KIR2DL4: variants seen among roughly 807,000 people sequenced by gnomAD.
KIR2DL4 encodes killer cell immunoglobulin like receptor, two Ig domains and long cytoplasmic tail 4.
In KIR2DL4, 41 loss-of-function variants were observed where a neutral mutation model predicts 31.0. The ratio of observed to expected loss-of-function variants is 1.32; its 90% confidence interval spans 1.03 to 1.72. The LOEUF is 1.72. KIR2DL4 is among the 40% of genes most tolerant of loss of function. KIR2DL4 has a pLI of 0.00. For missense variants in KIR2DL4, 438 were observed against 353.7 expected (o/e 1.24, Z -1.91); for synonymous variants, 164 against 133.6 (o/e 1.23, Z -1.57).
intron 5 of KIR2DL4, among the ~76,000 whole-genome samples, chr19:54,811,567 C>A (rs1165427607): frequency 6.6e-6 from 1 of 150,974 alleles, no homozygotes; most frequent in Non-Finnish European, 1.5e-5. Context: ...TTTCTGTGAG[C>A]ATGAGATCAT....
At chr19:54,804,294 A>C (rs2060361999) in intron 2 of KIR2DL4, among the ~76,000 whole-genome samples, 1 of 150,962 alleles carries the variant, frequency 6.6e-6, no homozygotes, top group African/African-American at 2.5e-5. Flanking sequence ...AGAGGAGGGA[A>C]GGGTAGCAGT....
chr19:54,808,854 C>T (rs1209045251), exon 5 of KIR2DL4: 2 of 1,603,530 alleles, frequency 1.2e-6, no homozygotes, highest in African/African-American at 2.7e-5. Flanking sequence ...AGTAGTTGGC[C>T]TTCACCCACT....
In KIR2DL4 at chr19:54,812,115, A is replaced by G. The variant is rs370703403; in HGVS notation, c.707-1010A>G. Among the ~76,000 whole-genome samples, 99 of 150,890 alleles carry G rather than the reference A, an allele frequency of 6.6e-4. 1 individual carries two copies. The highest frequency in any genetic ancestry group is 2.4e-3 in the African/African-American group (96 of 40,824). ...TCCCAGTCCAGTCTTCCCAGAGAAG[A>G]CTCTAAACACCTCCCATACTGCACC... On this transcript the variant is annotated intron_variant, in intron 5 of 7. Transcript: ENST00000359085.
chr19:54,808,750 G>A (rs2060677193), intron 4 of KIR2DL4, 83 bp from the exon 5 acceptor site: 2 of 1,027,794 alleles, frequency 1.9e-6, no homozygotes, highest in African/African-American at 1.7e-5. Context: ...TAGAATGTTG[G>A]CCATGAACCA....
Position 54,805,965 on chromosome 19 carries a change from C to A in KIR2DL4, c.376C>A (p.Pro126Thr), listed in dbSNP as rs1489378865. Residue 126 changes from proline to threonine, a missense_variant, in exon 4 of 8, where the codon CCT (proline) becomes ACT (threonine). Physicochemically the swap from Pro to Thr is conservative, Grantham distance 38 (BLOSUM62 -1). Transcript: ENST00000359085. ...TCTCCTTCCAGGTCTATATGAGAAA[C>A]CTTCGCTTACAGCCCGGCCGGGCCC... is the stretch of plus-strand genomic sequence containing the variant. 6.8e-6 allele frequency: 11 copies of A among 1,606,810 alleles called. No homozygotes were observed. In the Admixed American group the frequency reaches 1.2e-4, roughly 17 times the overall value.
intron 2 of KIR2DL4, among the ~76,000 whole-genome samples, 184 bp from the exon 3 acceptor site, chr19:54,804,609 C>G (rs1443288540): frequency 6.6e-6 from 1 of 151,244 alleles, no homozygotes; most frequent in Non-Finnish European, 1.5e-5. Context: ...CTGCTCAGTT[C>G]TCAACTGACA....
chr19:54,813,625 C>T, intron 6 of KIR2DL4, 65 bp from the exon 6 acceptor site: 2 of 1,519,606 alleles, frequency 1.3e-6, no homozygotes, highest in Non-Finnish European at 1.8e-6. Context: ...GTGTTGGTAT[C>T]TGTTCATGAA....
chr19:54,812,355 C>T (rs1964154589), intron 5 of KIR2DL4, among the ~76,000 whole-genome samples: 2 of 151,444 alleles, frequency 1.3e-5, no homozygotes, highest in Admixed American at 6.6e-5. Flanking sequence ...AGCCAGAAAG[C>T]AGCCCAGCCT....
In KIR2DL4 at chr19:54,813,995, G is replaced by C. The variant is rs35946789; in HGVS notation, c.*195G>C. The C allele has an allele frequency of 7.5e-3, 12,105 of 1,611,412 alleles. 205 individuals carry two copies. Among genetic ancestry groups the C allele is most frequent in the Admixed American group, 0.01 (617 of 59,832 alleles). ...AGAACTTCCAAATGCTGAGCCCAGA[G>C]CGTTGTCTCCTGCCCATGAGCACCA... On this transcript the variant is annotated 3_prime_UTR_variant, in exon 8 of 8. Coordinates refer to ENST00000359085, the Ensembl canonical transcript of KIR2DL4.
At chr19:54,805,059 C>A in exon 3 of KIR2DL4, 1 of 1,606,944 alleles carries the variant, frequency 6.2e-7, no homozygotes, top group South Asian at 1.1e-5. Context: ...CAGCAACCCC[C>A]TGGTGATCAT....
rs560915366 is a variant in KIR2DL4 at position 54,803,821 on chromosome 19, G to T, written c.41-70G>T. 1.3e-5 allele frequency: 21 copies of T among 1,562,894 alleles called. 1 individual carries two copies. The highest frequency in any genetic ancestry group is 7.0e-6 in the Non-Finnish European group (8 of 1,137,532). ...GAGTTAATTTTCAGTCCAGCGTGGCGCCCAGTGGCTCAGGAGGAAAGGGTA... is the reference window on the plus strand; with the variant it reads ...GAGTTAATTTTCAGTCCAGCGTGGCTCCCAGTGGCTCAGGAGGAAAGGGTA... On this transcript the variant is annotated intron_variant, in intron 1 of 7. Coordinates refer to ENST00000359085, the Ensembl canonical transcript of KIR2DL4.
At chr19:54,807,603 G>C (rs1191021594) in intron 4 of KIR2DL4, among the ~76,000 whole-genome samples, 1 of 148,702 alleles carries the variant, frequency 6.7e-6, no homozygotes. Context: ...ACGCCTGGCT[G>C]ATTTTTGTAT....
At chr19:54,814,109 T>C in exon 8 of KIR2DL4, 2 of 1,610,522 alleles carry the variant, frequency 1.2e-6, no homozygotes, top group South Asian at 2.2e-5. Context: ...AGCTGGAATC[T>C]GAAGGCGTGA....
At position 54,813,124 on chromosome 19, in the gene KIR2DL4, G is replaced by A; in HGVS notation, c.707-1G>A. 1 of 1,459,488 alleles carries A rather than the reference G, an allele frequency of 6.9e-7. No individual in the cohort carries two copies. The allele number at this position is 1,459,488 out of a possible 1,614,324, so 90.4% of individuals were successfully genotyped here. On this transcript the variant is annotated splice_acceptor_variant, in intron 5 of 7. Transcript: ENST00000359085. LOFTEE classifies it high-confidence loss of function. ...CTTATTGGATTCCCATCTTCCTCCA[G>A]GTATCGCCAGACACCTGCATGCTGT...
chr19:54,808,838 C>T (rs1601176397), exon 5 of KIR2DL4: 2 of 1,589,252 alleles, frequency 1.3e-6, no homozygotes, highest in Middle Eastern at 1.7e-4. Context: ...TCTAGGAAAC[C>T]CTTCTAGTAG....
At chr19:54,813,403 C>CCGTT in intron 6 of KIR2DL4, 1 of 939,444 alleles carries the variant, frequency 1.1e-6, no homozygotes, top group Non-Finnish European at 1.6e-6. Context: ...AGCTCACAGA[C>CCGTT]CGTTGCCTGA....
chr19:54,813,148 G>A, exon 6 of KIR2DL4: 1 of 1,516,670 alleles, frequency 6.6e-7, no homozygotes, highest in Non-Finnish European at 9.0e-7. Context: ...CCTGCATGCT[G>A]TGATTAGGTA....
rs1481677380 is a variant in KIR2DL4 at position 54,813,017 on chromosome 19, T to C, written c.707-108T>C. On this transcript the variant is annotated intron_variant, in intron 5 of 7. Coordinates refer to ENST00000359085, the Ensembl canonical transcript of KIR2DL4. The stretch of plus-strand genomic sequence containing the variant: ...GGGTCTCCCGCCTCGTGGGTGCTTG[T>C]CTTAAAGAGGTGTTTTATGTGGTTG... The C allele has an allele frequency of 5.2e-6, 4 of 769,818 alleles. 1 individual carries two copies. In the African/African-American group the frequency reaches 6.4e-5, roughly 12 times the overall value. 47.7% of individuals were successfully genotyped at this position (769,818 alleles called of 1,614,324 possible).
intron 5 of KIR2DL4, among the ~76,000 whole-genome samples, chr19:54,811,602 A>G (rs632126): frequency 0.2 from 30,491 of 150,748 alleles, 3,426 homozygotes; most frequent in South Asian, 0.32. Context: ...ACCCACCAGC[A>G]CAGGTCCTGG....
Sources: gnomAD v4.1 joint callset for allele counts (sites outside exome capture counted in the v4.1 genomes callset) on GRCh38, gnomAD v4.1.1 for gene constraint, MANE v1.5 for transcripts, NCBI Gene and HGNC (gene_info 2026-07-23, HGNC 2026-07-21) for gene names.